Variants in GPR158 observed in about 807,000 individuals in gnomAD.
GPR158 encodes metabotropic glycine receptor.
Under a neutral mutation model 78.2 loss-of-function variants are expected in GPR158, and 30 were observed. The ratio of observed to expected loss-of-function variants is 0.38; its 90% CI spans 0.29 to 0.52. GPR158 has a LOEUF of 0.52. Ranked by LOEUF, GPR158 falls within the 20% of genes least tolerant of loss-of-function variation. GPR158 has a pLI of 0.83. For synonymous variants in GPR158, 581 were observed against 591.1 expected (o/e 0.98, Z 0.25); for missense variants, 1,463 against 1,523.5 (o/e 0.96, Z 0.66).
chr10:25,410,497 T>C (rs1050210307), intron 3 of GPR158, among the ~76,000 whole-genome samples: 1 of 152,018 alleles, frequency 6.6e-6, no homozygotes, highest in African/African-American at 2.4e-5. Context: ...GTGTCTGTAG[T>C]CCCAGCTACT....
chr10:25,478,786 C>G (rs1422765290), intron 5 of GPR158, among the ~76,000 whole-genome samples: 1 of 145,850 alleles, frequency 6.9e-6, no homozygotes, highest in Non-Finnish European at 1.5e-5. Context: ...TAATGCTATC[C>G]CTCCTCCCTC....
chr10:25,516,982 A>T (rs965871397), intron 5 of GPR158, among the ~76,000 whole-genome samples: 1 of 149,676 alleles, frequency 6.7e-6, no homozygotes, highest in Non-Finnish European at 1.5e-5. Context: ...TTTTCACGAT[A>T]TTGATTCTTC....
At chr10:25,391,148 C>T (rs1011139064) in intron 2 of GPR158, among the ~76,000 whole-genome samples, 5 of 152,314 alleles carry the variant, frequency 3.3e-5, no homozygotes, top group African/African-American at 1.2e-4. Flanking sequence ...ACCTGGATGT[C>T]CAGTCAGAGG....
At chr10:25,472,757 T>C (rs1300900952) in intron 5 of GPR158, among the ~76,000 whole-genome samples, 4 of 152,280 alleles carry the variant, frequency 2.6e-5, no homozygotes, top group African/African-American at 9.6e-5. Context: ...GATTTGGCTG[T>C]TTGTTATTGG....
At chr10:25,326,117 G>C (rs1408298145) in intron 2 of GPR158, among the ~76,000 whole-genome samples, 1 of 152,034 alleles carries the variant, frequency 6.6e-6, no homozygotes, top group Admixed American at 6.6e-5. Context: ...CCCCTAACAG[G>C]CTTCAGTGTG....
rs752852266 is a variant in GPR158 at position 25,175,938 on chromosome 10, G to T, written c.518G>T (p.Arg173Leu). 2.5e-6 allele frequency: 4 copies of T among 1,613,498 alleles called. No homozygotes were observed. The South Asian group carries it at 3.3e-5, about 13-fold the overall frequency. ...SLLEGEPSIS[R>L]AAITFSTDSL... is the part of the protein sequence containing the mutation. ...CTGGAGGGCGAGCCCAGCATCTCCC[G>T]GGCGGCCATCACCTTCAGCACCGAT... Residue 173 changes from arginine to leucine, a missense_variant, in exon 1 of 11, where the codon CGG becomes CTG. By Grantham distance (102) the Arg-to-Leu change is moderately radical. Coordinates refer to ENST00000376351, the MANE Select transcript of GPR158 (RefSeq NM_020752.3). The surrounding 1 kb of genome is among the most constrained non-coding windows in gnomAD (Gnocchi z 6.4).
At chr10:25,546,410 T>C (rs1426597411) in intron 5 of GPR158, among the ~76,000 whole-genome samples, 1 of 152,116 alleles carries the variant, frequency 6.6e-6, no homozygotes, top group Non-Finnish European at 1.5e-5. Flanking sequence ...GCTGTTTCAT[T>C]TCAAGTACAA....
At chr10:25,212,323 G>T (rs962835071) in intron 1 of GPR158, among the ~76,000 whole-genome samples, 1 of 152,080 alleles carries the variant, frequency 6.6e-6, no homozygotes, top group Non-Finnish European at 1.5e-5. Context: ...TACATGGGAG[G>T]AGCGAAGCGG....
At chr10:25,422,633 A>AAAAC (rs1244338719) in intron 4 of GPR158, among the ~76,000 whole-genome samples, 1 of 151,454 alleles carries the variant, frequency 6.6e-6, no homozygotes, top group Admixed American at 6.6e-5. Flanking sequence ...ATTTGCAAAA[A>AAAAC]AAAAAAAATG....
chr10:25,315,044 C>T (rs1854828852), intron 2 of GPR158, among the ~76,000 whole-genome samples: 2 of 150,772 alleles, frequency 1.3e-5, no homozygotes, highest in Non-Finnish European at 3.0e-5. Flanking sequence ...TTATTGTGAC[C>T]TAAATATGAT....
chr10:25,436,928 G>A (rs557286253), intron 4 of GPR158, among the ~76,000 whole-genome samples: 2 of 152,112 alleles, frequency 1.3e-5, no homozygotes, highest in Non-Finnish European at 2.9e-5. Flanking sequence ...AGAGGCAAAA[G>A]CAATGGAGGG....
At chr10:25,332,234 T>C (rs762719726) in intron 2 of GPR158, among the ~76,000 whole-genome samples, 1 of 152,180 alleles carries the variant, frequency 6.6e-6, no homozygotes, top group African/African-American at 2.4e-5. Context: ...GCCCCTGCCA[T>C]TGTTAGTTGG....
At position 25,416,581 on chromosome 10, in the gene GPR158, CCTT is replaced by C. The variant is rs1172205796; in HGVS notation, c.1335+4112_1335+4114del. 6.7e-5 allele frequency among the ~76,000 whole-genome samples: 10 copies of C among 150,262 alleles called. No individual in the cohort carries two copies. The Admixed American group carries it at 6.7e-4, about 10-fold the overall frequency. On this transcript the variant is annotated intron_variant, in intron 4 of 10. Coordinates refer to ENST00000376351, the MANE Select transcript of GPR158 (RefSeq NM_020752.3). ...GATGTTGAGAATTAGGACACATACT[CCTT>C]CTTGTGTTGTTATAATAGTTAGAAA... is the stretch of plus-strand genomic sequence containing the variant.
At chr10:25,387,132 T>C (rs1021286046) in intron 2 of GPR158, among the ~76,000 whole-genome samples, 9 of 152,216 alleles carry the variant, frequency 5.9e-5, no homozygotes, top group African/African-American at 2.2e-4. Context: ...ATCTTTAATA[T>C]GTTGAGGTAA....
At chr10:25,284,212 T>G (rs1042961712) in intron 2 of GPR158, among the ~76,000 whole-genome samples, 3 of 152,130 alleles carry the variant, frequency 2.0e-5, no homozygotes, top group Non-Finnish European at 4.4e-5. Context: ...GTGAGGAGTC[T>G]TGAAGTCTCC....
At chr10:25,241,066 T>A (rs1457626491) in intron 2 of GPR158, among the ~76,000 whole-genome samples, 2 of 152,102 alleles carry the variant, frequency 1.3e-5, no homozygotes, top group Non-Finnish European at 2.9e-5. Context: ...CTAAAGAGGT[T>A]TTGTTTTTCT....
At chr10:25,202,971 A>T (rs1315167232) in intron 1 of GPR158, among the ~76,000 whole-genome samples, 1 of 152,084 alleles carries the variant, frequency 6.6e-6, no homozygotes, top group Non-Finnish European at 1.5e-5. Flanking sequence ...ATGGTATCTC[A>T]TTGTGGTTTT....
intron 7 of GPR158, among the ~76,000 whole-genome samples, chr10:25,581,994 G>C (rs1284080309): frequency 6.6e-6 from 1 of 152,324 alleles, no homozygotes; most frequent in African/African-American, 2.4e-5. Flanking sequence ...CAGGCAACGA[G>C]AGAATGAGAA....
chr10:25,393,196 C>A (rs926907818), intron 2 of GPR158, among the ~76,000 whole-genome samples: 5 of 152,144 alleles, frequency 3.3e-5, no homozygotes, highest in African/African-American at 1.2e-4. Context: ...CAGAGAGATA[C>A]TTTAATTACA....
Sources: gnomAD v4.1 joint callset for allele counts (sites outside exome capture counted in the v4.1 genomes callset) on GRCh38, gnomAD v4.1.1 for gene constraint, Gnocchi (gnomAD v3.1) non-coding constraint, MANE v1.5 for transcripts, NCBI Gene and HGNC (gene_info 2026-07-23, HGNC 2026-07-21) for gene names.